CLSPN: variants seen among roughly 807,000 people sequenced by gnomAD.
CLSPN encodes the protein claspin homolog.
A neutral mutation model predicts 156.3 loss-of-function variants in CLSPN; 85 were observed. That is an observed-to-expected ratio of 0.54 (90% CI 0.46 to 0.65). The LOEUF (loss-of-function observed/expected upper bound fraction) is 0.65, where lower values mean the gene tolerates loss of function less well. Ranked by LOEUF, CLSPN falls within the 30% of genes least tolerant of loss-of-function variation. The probability of loss-of-function intolerance (pLI) is 0.00; values close to 1 mark genes in which losing one functional copy is unlikely to be tolerated. For missense variants in CLSPN, 1,407 were observed against 1,554.9 expected, an observed-to-expected ratio of 0.90 and a Z score of 1.60; for synonymous variants, 534 against 542.4, an observed-to-expected ratio of 0.98 and a Z score of 0.22.
At chr1:35,761,072 A>G (rs1324315204) in intron 7 of CLSPN, 24 bp downstream of exon 7, 2 of 1,535,664 alleles carry the variant, frequency 1.3e-6, no homozygotes, top group Admixed American at 1.7e-5. Flanking sequence ...CATGAAAATT[A>G]TAATAAGGAA....
Position 35,766,495 on chromosome 1 carries a change from A to C in CLSPN, c.25-1169T>G, listed in dbSNP as rs183609816. On this transcript the variant is annotated intron_variant, in intron 1 of 24. Coordinates refer to ENST00000318121, the MANE Select transcript of CLSPN (RefSeq NM_022111.4). ...GTTTTGCCGTTGTCGCCCAGGATGGAGCGCAACGGCGCGATCTCGGCTCAC... is the reference window on the plus strand; with the variant it reads ...GTTTTGCCGTTGTCGCCCAGGATGGCGCGCAACGGCGCGATCTCGGCTCAC... 7.7e-3 allele frequency among the ~76,000 whole-genome samples: 1,173 copies of C among 151,914 alleles called. 19 individuals are homozygous for C. Among genetic ancestry groups the C allele is most frequent in the African/African-American group, 0.025 (1,051 of 41,418 alleles).
intron 14 of CLSPN, among the ~76,000 whole-genome samples, chr1:35,747,610 C>G (rs972414562): frequency 6.6e-6 from 1 of 152,118 alleles, no homozygotes; most frequent in African/African-American, 2.4e-5. Flanking sequence ...CTCAACCTTA[C>G]CCAACAATAA....
rs375598099 is a variant in CLSPN, at chr1:35,761,314, C to T, written c.896-110G>A. The T allele has an allele frequency of 6.7e-5, 45 of 669,370 alleles. No homozygotes were observed. The African/African-American group carries it at 7.8e-4, about 12-fold the overall frequency. The allele number at this position is 669,370 out of a possible 1,614,324, so 41.5% of individuals were successfully genotyped here. A position where few individuals can be genotyped will look rare whatever the true frequency, so the allele number is the denominator to read the frequency against. ...CAAAGCCATCACTAGAAATAGAAAA[C>T]TCCCCTTTAACAAAGGCAGAGGAGC... On this transcript the variant is annotated intron_variant, in intron 6 of 24. Coordinates refer to ENST00000318121, the MANE Select transcript of CLSPN (RefSeq NM_022111.4).
At chr1:35,742,039 T>C (rs1368396617) in intron 18 of CLSPN, among the ~76,000 whole-genome samples, 1 of 146,214 alleles carries the variant, frequency 6.8e-6, no homozygotes, top group African/African-American at 2.6e-5. Context: ...TCCCAGACTT[T>C]GGGAAGCAGA....
At position 35,763,288 on chromosome 1, in the gene CLSPN, C is replaced by A; in HGVS notation, c.616G>T (p.Gly206Cys). 1 of 1,600,594 alleles carries A rather than the reference C, an allele frequency of 6.2e-7. No individual in the cohort carries two copies. Among genetic ancestry groups the A allele is most frequent in the Non-Finnish European group, 8.5e-7 (1 of 1,176,280 alleles). ...AGGTCTTTATCCACAAGAAGACAGCCACTGTCATTAAATGGCTGTTCTACA... is the reference window on the plus strand; with the variant it reads ...AGGTCTTTATCCACAAGAAGACAGCAACTGTCATTAAATGGCTGTTCTACA... The part of the protein sequence containing the change: ...DDVEQPFNDS[G>C]CLLVDKDLFE... Residue 206 changes from glycine (G) to cysteine (C), a missense_variant, in exon 4 of 25, where the codon GGC becomes TGC. Around this residue, in one of 3 missense-constraint regions of CLSPN, gnomAD observed 1,096 missense variants for 1,193.0 expected, o/e 0.92. Coordinates refer to ENST00000318121, the MANE Select transcript of CLSPN (RefSeq NM_022111.4).
downstream of CLSPN, among the ~76,000 whole-genome samples, chr1:35,727,477 C>T (rs762942261): frequency 1.3e-5 from 2 of 152,224 alleles, no homozygotes; most frequent in African/African-American, 4.8e-5. Context: ...CTTCCAACAG[C>T]TAGGCCAACA....
chr1:35,738,000 T>C lies in CLSPN; in HGVS notation c.3656A>G (p.Gln1219Arg). The C allele has an allele frequency of 6.8e-7, 1 of 1,477,536 alleles. No individual in the cohort carries two copies. The highest frequency in any genetic ancestry group is 9.1e-7 in the Non-Finnish European group (1 of 1,101,924). 91.5% of individuals were successfully genotyped at this position (1,477,536 alleles called of 1,614,324 possible). The change falls in exon 22 of 25, where the codon CAG (glutamine) becomes CGG (arginine). Residue 1219 changes from glutamine to arginine, a missense_variant. Gln to Arg is a conservative substitution (Grantham distance 43). Around this residue, in one of 3 missense-constraint regions of CLSPN, gnomAD observed 241 missense variants for 240.5 expected, o/e 1.00. Coordinates refer to ENST00000318121, the MANE Select transcript of CLSPN (RefSeq NM_022111.4). ...GAGAAACAAGAGCTCACCATTCTTC[T>C]GCAGTGCTTTGGCTGTAACTTTCTT... ...LAKKVTAKAL[Q>R]KNASRPMVIQ... is the part of the protein sequence containing the mutation.
At chr1:35,749,599 G>T in intron 11 of CLSPN, 34 bp downstream of exon 11, 1 of 1,613,440 alleles carries the variant, frequency 6.2e-7, no homozygotes, top group Non-Finnish European at 8.5e-7. Context: ...CAAATCCAAG[G>T]CAATTTTAAG....
intron 24 of CLSPN, among the ~76,000 whole-genome samples, chr1:35,724,944 C>T (rs2148606203): frequency 6.6e-6 from 1 of 152,288 alleles, no homozygotes; most frequent in Non-Finnish European, 1.5e-5. Flanking sequence ...AAAATATGCC[C>T]ATTCCCCTAT....
chr1:35,738,386 A>T, intron 21 of CLSPN, 69 bp downstream of exon 21: 1 of 1,511,654 alleles, frequency 6.6e-7, no homozygotes, highest in East Asian at 2.3e-5. Context: ...ACAAGCTAAG[A>T]TTTTGAAACT....
intron 18 of CLSPN, among the ~76,000 whole-genome samples, chr1:35,741,729 T>A (rs944664054): frequency 6.6e-6 from 1 of 151,130 alleles, no homozygotes; most frequent in East Asian, 2.0e-4. Context: ...AATCCCAGCA[T>A]GTTGGAAGGC....
chr1:35,742,654 C>G (rs1303358106), intron 18 of CLSPN, among the ~76,000 whole-genome samples: 1 of 151,978 alleles, frequency 6.6e-6, no homozygotes, highest in Non-Finnish European at 1.5e-5. Context: ...GCTGGGATTA[C>G]AGGCGTGAGC....
chr1:35,736,263 T>C lies in CLSPN; in HGVS notation c.*233A>G, dbSNP rs1641468130. ...AAACCTCACCCAAGTATTCCATGAG[T>C]TGTTGATGTTGTAAATACTGCAGAA... On this transcript the variant is annotated 3_prime_UTR_variant, in exon 25 of 25. Coordinates refer to ENST00000318121, the MANE Select transcript of CLSPN (RefSeq NM_022111.4). The C allele has an allele frequency of 1.8e-6, 2 of 1,139,896 alleles. No homozygotes were observed. The highest frequency in any genetic ancestry group is 3.7e-4 in the Middle Eastern group (1 of 2,698). 70.6% of individuals were successfully genotyped at this position (1,139,896 alleles called of 1,614,324 possible). A position where few individuals can be genotyped will look rare whatever the true frequency, so the allele number is the denominator to read the frequency against.
intron 24 of CLSPN, among the ~76,000 whole-genome samples, chr1:35,723,095 G>A (rs1446003851): frequency 2.6e-5 from 4 of 152,170 alleles, no homozygotes; most frequent in Non-Finnish European, 4.4e-5. Context: ...ATGTCCACAG[G>A]AAGACAAAAA....
At chr1:35,744,470 T>C (rs1449907598) in intron 16 of CLSPN, among the ~76,000 whole-genome samples, 2 of 151,962 alleles carry the variant, frequency 1.3e-5, no homozygotes, top group Non-Finnish European at 2.9e-5. Flanking sequence ...ATTTTAGTAT[T>C]TTTTTTATAG....
chr1:35,760,413 T>C lies in CLSPN; in HGVS notation c.1508A>G (p.Asp503Gly). Residue 503 changes from aspartate (D) to glycine (G), a missense_variant, in exon 8 of 25, where the codon GAT (aspartate) becomes GGT (glycine). Around this residue, in one of 3 missense-constraint regions of CLSPN, gnomAD observed 1,096 missense variants for 1,193.0 expected, o/e 0.92. Coordinates refer to ENST00000318121, the MANE Select transcript of CLSPN (RefSeq NM_022111.4). ...TLDRLKQLGV[D>G]VSIKPRLGAD... is the part of the protein sequence containing the mutation. ...ACCTAGCCGTGGTTTAATGGAAACA[T>C]CTACTCCCAGTTGCTTAAGTCTATC... 1 of 1,614,228 alleles carries C rather than the reference T, an allele frequency of 6.2e-7. No individual in the cohort carries two copies. Among genetic ancestry groups the C allele is most frequent in the Non-Finnish European group, 8.5e-7 (1 of 1,180,038 alleles).
chr1:35,746,897 A>C lies in CLSPN; in HGVS notation c.2723T>G (p.Met908Arg), dbSNP rs929752700. 9.3e-6 allele frequency: 15 copies of C among 1,613,716 alleles called. No homozygotes were observed. The highest frequency in any genetic ancestry group is 1.1e-5 in the Non-Finnish European group (13 of 1,179,716). The change falls in exon 15 of 25, where the codon ATG (methionine) becomes AGG (arginine). Residue 908 changes from methionine (M) to arginine (R), a missense_variant. By Grantham distance (91) the Met-to-Arg change is moderately conservative. This residue lies in a region of CLSPN where 1,096 missense variants were observed against 1,193.0 expected (regional missense o/e 0.92). Coordinates refer to ENST00000318121, the MANE Select transcript of CLSPN (RefSeq NM_022111.4). The surrounding 1 kb of genome is among the most constrained non-coding windows in gnomAD (Gnocchi z 4.2). ...AGTACACAAATCCAACAGCTCATCC[A>C]TGTTGGCATCCATGGCATTCTCATC... is the stretch of plus-strand genomic sequence containing the variant. ...SMDENAMDAN[M>R]DELLDLCTGK...
chr1:35,748,155 A>C (rs1641955383), intron 13 of CLSPN, 94 bp from the exon 14 acceptor site: 1 of 1,409,488 alleles, frequency 7.1e-7, no homozygotes, highest in Non-Finnish European at 9.7e-7. Context: ...GCAATATTTA[A>C]GCTACTCTCA....
Position 35,753,797 on chromosome 1 carries a change from T to A in CLSPN, c.1719A>T (p.Val573=). 1 of 1,614,248 alleles carries A rather than the reference T, an allele frequency of 6.2e-7. No individual in the cohort carries two copies. Among genetic ancestry groups the A allele is most frequent in the Non-Finnish European group, 8.5e-7 (1 of 1,180,038 alleles). ...DGKEELKADV[V]PVTLAPKKLD... Reference sequence around the variant, plus strand: ...ACTTCTTAGGTGCTAAAGTCACAGGTACCACATCTGCTTTTAGCTCTTCCT... The same window carrying A: ...ACTTCTTAGGTGCTAAAGTCACAGGAACCACATCTGCTTTTAGCTCTTCCT... The change falls in exon 9 of 25, where the codon GTA becomes GTT. Residue 573 remains valine (V), a synonymous_variant. Coordinates refer to ENST00000318121, the MANE Select transcript of CLSPN (RefSeq NM_022111.4).
Sources: allele counts gnomAD v4.1 joint callset (sites outside exome capture counted in the v4.1 genomes callset), GRCh38; gene constraint gnomAD v4.1.1; regional missense constraint gnomAD v4.1.1; non-coding constraint Gnocchi (gnomAD v3.1); transcripts MANE v1.5; gene names NCBI Gene and HGNC (gene_info 2026-07-23, HGNC 2026-07-21).